The following CSMD3 variants were observed in gnomAD, a reference collection of about 807,000 sequenced individuals.
CSMD3 encodes CUB and Sushi multiple domains 3, also known as CUB and sushi domain-containing protein 3.
A neutral mutation model predicts 435.2 loss-of-function variants in CSMD3; 177 were observed. The observed-to-expected ratio is 0.41, with a 90% CI of 0.36 to 0.46. The LOEUF (loss-of-function observed/expected upper bound fraction) is 0.46. Ranked by LOEUF, CSMD3 falls within the 20% of genes least tolerant of loss-of-function variation. The pLI is 0.34. For missense variants in CSMD3, 4,265 were observed against 4,504.6 expected (o/e 0.95, Z 1.52); for synonymous variants, 1,656 against 1,520.5 (o/e 1.09, Z -2.07).
chr8:112,772,113 A>G (rs1460372641), intron 13 of CSMD3, among the ~76,000 whole-genome samples: 1 of 151,834 alleles, frequency 6.6e-6, no homozygotes, highest in African/African-American at 2.4e-5. Context: ...AAGATAAATT[A>G]TAAGGGGCTC....
intron 1 of CSMD3, among the ~76,000 whole-genome samples, chr8:113,419,626 G>A (rs1177401398): frequency 6.6e-6 from 1 of 151,932 alleles, no homozygotes; most frequent in Non-Finnish European, 1.5e-5. Context: ...TCTTTACTTG[G>A]GAAGCACCAG....
chr8:113,049,134 G>A (rs541922569), intron 5 of CSMD3, among the ~76,000 whole-genome samples: 1 of 152,128 alleles, frequency 6.6e-6, no homozygotes, highest in Admixed American at 6.5e-5. Flanking sequence ...AGCTACTTAG[G>A]AGGGTGAGGC....
intron 23 of CSMD3, among the ~76,000 whole-genome samples, chr8:112,586,800 GTAT>G (rs746566808): frequency 9.3e-5 from 14 of 150,480 alleles, no homozygotes; most frequent in African/African-American, 3.2e-4. Flanking sequence ...TCTTATTTTG[GTAT>G]TATTAAGACA....
rs2130993503 is a variant in CSMD3 at position 112,341,649 on chromosome 8, G to A, written c.6480C>T (p.Thr2160=). ...TTCGTACTTCCAAATAATCATGTATGGTTTCTGTAGAAAAATTTACAAACT... is the reference window on the plus strand; with the variant it reads ...TTCGTACTTCCAAATAATCATGTATAGTTTCTGTAGAAAAATTTACAAACT... ...HLQFVNFSTE[T]IHDYLEVRSG... is the part of the protein sequence containing the mutation. The change falls in exon 42 of 71, where the codon ACC becomes ACT. Residue 2160 remains threonine, a synonymous_variant. Coordinates refer to ENST00000297405, the MANE Select transcript of CSMD3 (RefSeq NM_198123.2). 2 of 1,612,462 alleles carry A rather than the reference G, an allele frequency of 1.2e-6. No homozygotes were observed. The highest frequency in any genetic ancestry group is 8.5e-7 in the Non-Finnish European group (1 of 1,178,702).
chr8:112,428,452 T>C (rs1409998835), intron 32 of CSMD3, among the ~76,000 whole-genome samples: 1 of 152,084 alleles, frequency 6.6e-6, no homozygotes, highest in Non-Finnish European at 1.5e-5. Context: ...GAAAACTTGA[T>C]CTCAAATTTG....
At chr8:112,306,547 C>T (rs569424004) in intron 50 of CSMD3, among the ~76,000 whole-genome samples, 6 of 152,124 alleles carry the variant, frequency 3.9e-5, no homozygotes, top group Non-Finnish European at 7.4e-5. Context: ...ACTGGACCAT[C>T]ATATAGCAAG....
chr8:113,325,599 G>T (rs1010729844), intron 1 of CSMD3, among the ~76,000 whole-genome samples: 58 of 152,222 alleles, frequency 3.8e-4, no homozygotes, highest in African/African-American at 1.3e-3. Flanking sequence ...GACTAATACA[G>T]CCTTACACTC....
At chr8:113,434,754 C>G (rs2094694952) in intron 1 of CSMD3, among the ~76,000 whole-genome samples, 1 of 152,210 alleles carries the variant, frequency 6.6e-6, no homozygotes, top group African/African-American at 2.4e-5. Context: ...ACGCGCCTTT[C>G]CTTTCTATCG....
At chr8:112,684,683 C>T (rs547817139) in intron 15 of CSMD3, among the ~76,000 whole-genome samples, 5 of 151,980 alleles carry the variant, frequency 3.3e-5, no homozygotes, top group African/African-American at 1.2e-4. Flanking sequence ...AACATTTTTG[C>T]AGATAAATAA....
chr8:112,375,325 G>C, intron 38 of CSMD3, among the ~76,000 whole-genome samples: 1 of 152,136 alleles, frequency 6.6e-6, no homozygotes, highest in East Asian at 1.9e-4. Context: ...TCTAAGCAGA[G>C]TGTCCTTCAC....
intron 27 of CSMD3, among the ~76,000 whole-genome samples, chr8:112,546,785 AG>A (rs1439117397): frequency 8.5e-5 from 13 of 152,198 alleles, no homozygotes; most frequent in Non-Finnish European, 1.8e-4. Flanking sequence ...ATTAAGCAAA[AG>A]TGCCTTGCAG....
At chr8:112,641,808 G>A (rs1409741486) in intron 20 of CSMD3, among the ~76,000 whole-genome samples, 3 of 151,850 alleles carry the variant, frequency 2.0e-5, no homozygotes, top group Non-Finnish European at 4.4e-5. Context: ...TGGGTGACAG[G>A]GTGAGAACCC....
intron 19 of CSMD3, among the ~76,000 whole-genome samples, chr8:112,647,429 C>A (rs765274654): frequency 4.7e-4 from 71 of 152,010 alleles, no homozygotes; most frequent in Non-Finnish European, 8.2e-4. Flanking sequence ...AGCCCCTCCA[C>A]CGCAGTAGCT....
intron 6 of CSMD3, among the ~76,000 whole-genome samples, chr8:113,008,428 G>A (rs112617983): frequency 3.3e-5 from 5 of 151,712 alleles, no homozygotes; most frequent in Admixed American, 2.0e-4. Flanking sequence ...GCCATAAGAC[G>A]GCTGCTCACC....
At chr8:113,301,684 A>G (rs1051025624) in intron 2 of CSMD3, among the ~76,000 whole-genome samples, 15 of 152,020 alleles carry the variant, frequency 9.9e-5, no homozygotes, top group African/African-American at 3.4e-4. Context: ...AAAAGCCTTT[A>G]GTATTTCTGA....
intron 12 of CSMD3, among the ~76,000 whole-genome samples, chr8:112,812,586 G>A (rs561465302): frequency 2.0e-5 from 3 of 152,048 alleles, no homozygotes; most frequent in South Asian, 2.1e-4. Flanking sequence ...AATTTGCCTC[G>A]GTCTCTCACT....
At chr8:112,614,129 A>T (rs146412472) in intron 22 of CSMD3, among the ~76,000 whole-genome samples, 3 of 152,114 alleles carry the variant, frequency 2.0e-5, no homozygotes, top group Non-Finnish European at 4.4e-5. Context: ...AACTATGAAG[A>T]TATTTGGGAA....
chr8:113,196,836 A>G (rs565430674), intron 3 of CSMD3, among the ~76,000 whole-genome samples: 1 of 151,398 alleles, frequency 6.6e-6, no homozygotes, highest in Admixed American at 6.6e-5. Flanking sequence ...CACTTTTCTC[A>G]TATAATTATT....
At chr8:113,293,847 T>C (rs1272035868) in intron 2 of CSMD3, among the ~76,000 whole-genome samples, 2 of 152,096 alleles carry the variant, frequency 1.3e-5, no homozygotes, top group Non-Finnish European at 2.9e-5. Context: ...GAAAAATACA[T>C]ATAAGAAATA....
Sources: allele counts gnomAD v4.1 joint callset (sites outside exome capture counted in the v4.1 genomes callset), GRCh38; gene constraint gnomAD v4.1.1; transcripts MANE v1.5; gene names NCBI Gene and HGNC (gene_info 2026-07-23, HGNC 2026-07-21).